Variants in DZANK1 observed in about 807,000 individuals in gnomAD.
DZANK1 encodes double zinc ribbon and ankyrin repeat-containing protein 1.
A neutral mutation model predicts 94.5 loss-of-function variants in DZANK1; 91 were observed. That is an observed-to-expected ratio of 0.96 (90% CI 0.81 to 1.15). The LOEUF (loss-of-function observed/expected upper bound fraction) is 1.15. DZANK1 is among the 50% of genes most tolerant of loss of function. DZANK1 has a pLI of 0.00. For missense variants in DZANK1, 903 were observed against 916.4 expected, an observed-to-expected ratio of 0.99 and a Z score of 0.19; for synonymous variants, 312 against 325.3, an observed-to-expected ratio of 0.96 and a Z score of 0.44.
chr20:18,387,698 A>T (rs1380691839), intron 19 of DZANK1, among the ~76,000 whole-genome samples: 1 of 152,200 alleles, frequency 6.6e-6, no homozygotes, highest in East Asian at 1.9e-4. Context: ...GGAGGATGTG[A>T]ATTTCTCCTG....
intron 10 of DZANK1, chr20:18,420,994 A>G (rs1386224162): frequency 5.9e-6 from 1 of 170,224 alleles, no homozygotes; most frequent in African/African-American, 2.4e-5. Context: ...GTCCACATGA[A>G]TGCAATAGAA....
At chr20:18,424,513 T>A (rs1009946561) in intron 10 of DZANK1, among the ~76,000 whole-genome samples, 5 of 150,490 alleles carry the variant, frequency 3.3e-5, no homozygotes, top group Non-Finnish European at 7.4e-5. Flanking sequence ...TGACAGGTGA[T>A]ATCAAGTGTT....
At chr20:18,427,022 C>T (rs2058073739) in intron 10 of DZANK1, 45 bp downstream of exon 10, 1 of 1,396,478 alleles carries the variant, frequency 7.2e-7, no homozygotes. Context: ...TTAACATTGA[C>T]ATAGTAGCCA....
chr20:18,438,149 G>A (rs1372876850), intron 8 of DZANK1, among the ~76,000 whole-genome samples: 1 of 149,528 alleles, frequency 6.7e-6, no homozygotes, highest in Non-Finnish European at 1.5e-5. Flanking sequence ...AACCTGGGAG[G>A]CGGAGCTTGC....
chr20:18,449,018 T>A (rs373375565), exon 7 of DZANK1: 2 of 1,613,916 alleles, frequency 1.2e-6, no homozygotes, highest in Non-Finnish European at 1.7e-6. Context: ...ATTCTCATTA[T>A]CTCCGTGCTT....
intron 10 of DZANK1, among the ~76,000 whole-genome samples, chr20:18,419,261 C>CAAAAAAAAA (rs61274655): frequency 1.3e-5 from 1 of 78,026 alleles, no homozygotes. Flanking sequence ...GACTCCATCT[C>CAAAAAAAAA]AAAAAAAAAA....
intron 14 of DZANK1, among the ~76,000 whole-genome samples, chr20:18,396,995 A>C (rs986463304): frequency 3.9e-5 from 6 of 152,202 alleles, no homozygotes; most frequent in African/African-American, 1.4e-4. Flanking sequence ...ATTTAGATTA[A>C]GCCAAGGGAC....
At chr20:18,417,037 A>C (rs1441943462) in intron 10 of DZANK1, among the ~76,000 whole-genome samples, 1 of 151,222 alleles carries the variant, frequency 6.6e-6, no homozygotes, top group African/African-American at 2.4e-5. Flanking sequence ...AAAAAAACAA[A>C]AAAAAAAAAG....
chr20:18,403,796 C>CTTTTTTTTTTT (rs35824877), intron 13 of DZANK1, among the ~76,000 whole-genome samples: 1 of 111,740 alleles, frequency 8.9e-6, no homozygotes, highest in Non-Finnish European at 1.8e-5. Flanking sequence ...AACTTTCTTT[C>CTTTTTTTTTTT]TTTTTTTTTT....
At chr20:18,427,230 CT>C in intron 9 of DZANK1, 71 bp from the exon 10 acceptor site, 1 of 1,213,094 alleles carries the variant, frequency 8.2e-7, no homozygotes. Context: ...ATCAACCAGT[CT>C]TTTCTGTCAG....
exon 21 of DZANK1, chr20:18,384,472 A>G (rs1402857798): frequency 6.2e-7 from 1 of 1,612,176 alleles, no homozygotes; most frequent in Non-Finnish European, 8.5e-7. Flanking sequence ...CTTGGCAGCA[A>G]AGAGTGAGGT....
At chr20:18,461,296 C>T (rs2059462775) in intron 2 of DZANK1, among the ~76,000 whole-genome samples, 1 of 152,006 alleles carries the variant, frequency 6.6e-6, no homozygotes, top group Admixed American at 6.6e-5. Context: ...TTTCATTTAT[C>T]AGTATGTCTT....
exon 3 of DZANK1, chr20:18,460,240 C>G (rs201362692): frequency 6.3e-7 from 1 of 1,594,598 alleles, no homozygotes; most frequent in South Asian, 1.1e-5. Flanking sequence ...TTCCCCATAA[C>G]CAATTCTCTT....
intron 10 of DZANK1, among the ~76,000 whole-genome samples, chr20:18,424,059 A>C (rs993912865): frequency 6.6e-6 from 1 of 152,218 alleles, no homozygotes; most frequent in Admixed American, 6.5e-5. Flanking sequence ...AGGAATGATA[A>C]AGAAAGAACA....
At chr20:18,458,003 C>T (rs1305445923) in intron 3 of DZANK1, among the ~76,000 whole-genome samples, 2 of 152,196 alleles carry the variant, frequency 1.3e-5, no homozygotes, top group Admixed American at 1.3e-4. Context: ...CTGTCCTTTC[C>T]ATGTGATTAT....
rs1193260618 is a variant in DZANK1 at position 18,389,586 on chromosome 20, G to A, written c.2018+115C>T. On this transcript the variant is annotated intron_variant, in intron 19 of 20. Coordinates refer to ENST00000262547, the Ensembl canonical transcript of DZANK1. ...TATTAAAGCTGAAATAGGTTAAAAT[G>A]GTTAAAGTGGCTGAAACTGAACAGG... The A allele has an allele frequency of 2.8e-5, 40 of 1,423,942 alleles. No homozygotes were observed. In the East Asian group the frequency reaches 8.4e-4, roughly 30 times the overall value. The allele number at this position is 1,423,942 out of a possible 1,614,324, so 88.2% of individuals were successfully genotyped here. A position where few individuals can be genotyped will look rare whatever the true frequency, so the allele number is the denominator to read the frequency against.
chr20:18,394,617 C>T, intron 15 of DZANK1: 2 of 637,700 alleles, frequency 3.1e-6, no homozygotes, highest in Non-Finnish European at 5.9e-6. Flanking sequence ...TTGGGACCAT[C>T]ACAATAGCCT....
At chr20:18,430,720 T>C (rs1357935030) in intron 9 of DZANK1, among the ~76,000 whole-genome samples, 1 of 151,966 alleles carries the variant, frequency 6.6e-6, no homozygotes, top group Non-Finnish European at 1.5e-5. Flanking sequence ...GGGCCTGAGG[T>C]AGGAGGATCA....
chr20:18,388,432 C>A (rs1038019618), intron 19 of DZANK1, among the ~76,000 whole-genome samples: 15 of 152,224 alleles, frequency 9.9e-5, no homozygotes, highest in African/African-American at 3.6e-4. Context: ...GCACTTTCCT[C>A]CTCTTAGCTG....
Sources: gnomAD v4.1 joint callset for allele counts (sites outside exome capture counted in the v4.1 genomes callset) on GRCh38, gnomAD v4.1.1 for gene constraint, MANE v1.5 for transcripts, NCBI Gene and HGNC (gene_info 2026-07-23, HGNC 2026-07-21) for gene names.